Variants in GOLGA4 observed in about 807,000 individuals in gnomAD.
GOLGA4 encodes golgin A4.
A neutral mutation model predicts 265.9 loss-of-function variants in GOLGA4; 169 were observed. The observed-to-expected ratio is 0.64, with a 90% confidence interval of 0.56 to 0.72. GOLGA4 has a LOEUF of 0.72. GOLGA4 is among the 30% of genes least tolerant of loss of function. The probability of loss-of-function intolerance (pLI) is 0.00; values close to 1 mark genes in which losing one functional copy is unlikely to be tolerated. For missense variants in GOLGA4, 2,482 were observed against 2,483.4 expected, an observed-to-expected ratio of 1.00 and a Z score of 0.01; for synonymous variants, 923 against 855.8, an observed-to-expected ratio of 1.08 and a Z score of -1.37.
chr3:37,251,165 T>C (rs1373909172), intron 1 of GOLGA4, among the ~76,000 whole-genome samples: 1 of 152,230 alleles, frequency 6.6e-6, no homozygotes, highest in Non-Finnish European at 1.5e-5. Context: ...AAAAAGTTCA[T>C]GTAGCTAAGA....
rs749599579 is a variant in GOLGA4, at chr3:37,298,821, C to G, written c.815-12C>G. 1.6e-5 allele frequency: 26 copies of G among 1,590,156 alleles called. 1 individual carries two copies. In the South Asian group the frequency reaches 2.1e-4, roughly 13 times the overall value. Reference sequence around the variant, plus strand: ...TTACTGATGGGCCCTTCTTATGTTGCTTTATTGTTAGTGGAAGATGGAACT... The same window carrying G: ...TTACTGATGGGCCCTTCTTATGTTGGTTTATTGTTAGTGGAAGATGGAACT... On this transcript the variant is annotated splice_polypyrimidine_tract_variant and intron_variant, in intron 7 of 23. Coordinates refer to ENST00000361924, the MANE Select transcript of GOLGA4 (RefSeq NM_002078.5).
chr3:37,276,914 C>T (rs2096820928), intron 2 of GOLGA4, among the ~76,000 whole-genome samples: 6 of 152,026 alleles, frequency 3.9e-5, no homozygotes, highest in Admixed American at 3.9e-4. Context: ...TTTTCTTTTA[C>T]ACTGTGAAAC....
At chr3:37,364,541 C>A (rs1696597331) in intron 23 of GOLGA4, among the ~76,000 whole-genome samples, 1 of 151,686 alleles carries the variant, frequency 6.6e-6, no homozygotes, top group South Asian at 2.1e-4. Context: ...TGCTCCTGGC[C>A]AGCATTTTCA....
At chr3:37,275,569 AGGCCCG>A in intron 2 of GOLGA4, 1 of 1,087,946 alleles carries the variant, frequency 9.2e-7, no homozygotes, top group Non-Finnish European at 1.4e-6. Context: ...AAGGGGGCCT[AGGCCCG>A]GGCCTGCGGT....
chr3:37,300,163 G>A (rs1029581163), intron 9 of GOLGA4, among the ~76,000 whole-genome samples: 9 of 151,634 alleles, frequency 5.9e-5, no homozygotes, highest in African/African-American at 2.2e-4. Flanking sequence ...AGGAAGGAAT[G>A]AGTCTTACCT....
In GOLGA4 at chr3:37,243,321, G is replaced by C. The variant is rs1367330536; in HGVS notation, c.-230G>C. Reference sequence around the variant, plus strand: ...CCGCCGCGGCTCCCGGGGCTGGATGGGGGGCCGAGGCCAGCCAGTGGCACC... The same window carrying C: ...CCGCCGCGGCTCCCGGGGCTGGATGCGGGGCCGAGGCCAGCCAGTGGCACC... On this transcript the variant is annotated 5_prime_UTR_variant, in exon 1 of 24. Transcript: ENST00000361924. The C allele has an allele frequency of 3.5e-5, 20 of 567,024 alleles. No individual in the cohort carries two copies. Among genetic ancestry groups the C allele is most frequent in the East Asian group, 1.9e-4 (6 of 32,096 alleles). The allele number at this position is 567,024 out of a possible 1,614,324, so 35.1% of individuals were successfully genotyped here.
intron 10 of GOLGA4, among the ~76,000 whole-genome samples, chr3:37,311,725 T>G (rs1466056136): frequency 6.6e-6 from 1 of 152,204 alleles, no homozygotes; most frequent in Non-Finnish European, 1.5e-5. Context: ...AAAAGAACTG[T>G]GAAACCAAAT....
intron 11 of GOLGA4, among the ~76,000 whole-genome samples, chr3:37,317,140 T>A (rs907350855): frequency 6.6e-6 from 1 of 152,154 alleles, no homozygotes; most frequent in African/African-American, 2.4e-5. Context: ...TTGTTTTCAG[T>A]TTTTGCTATT....
intron 17 of GOLGA4, among the ~76,000 whole-genome samples, chr3:37,336,753 G>A (rs1336583577): frequency 1.3e-5 from 2 of 151,274 alleles, no homozygotes; most frequent in Non-Finnish European, 2.9e-5. Context: ...TGGGCAACAA[G>A]AAGAGCAAAA....
In GOLGA4 at chr3:37,343,580, T is replaced by TA. The variant is rs1221836472; in HGVS notation, c.6472+3382dup. Reference sequence around the variant, plus strand: ...CATACATTGCATTTGATTGATAAATTACTTAAGTCTCTTTTGAACTCCAGG... The same window carrying TA: ...CATACATTGCATTTGATTGATAAATTAACTTAAGTCTCTTTTGAACTCCAGG... On this transcript the variant is annotated intron_variant, in intron 20 of 23. Transcript: ENST00000361924. Among the ~76,000 whole-genome samples the TA allele has an allele frequency of 1.6e-4, 25 of 152,204 alleles. 1 individual carries two copies. Among genetic ancestry groups the TA allele is most frequent in the Non-Finnish European group, 4.4e-5 (3 of 68,034 alleles).
chr3:37,250,139 A>G (rs1560267251), intron 1 of GOLGA4: 2 of 152,234 alleles, frequency 1.3e-5, no homozygotes, highest in Non-Finnish European at 2.9e-5. Flanking sequence ...AACTTTTGTC[A>G]TATTTGTAGA....
In GOLGA4 at chr3:37,366,813, C is replaced by T. The variant is rs1189880891; in HGVS notation, c.*767C>T. 1 of 152,152 alleles carries T rather than the reference C, an allele frequency of 6.6e-6. No homozygotes were observed. The highest frequency in any genetic ancestry group is 1.9e-4 in the East Asian group (1 of 5,196). The allele number at this position is 152,152 out of a possible 1,614,324, so 9.4% of individuals were successfully genotyped here. A position where few individuals can be genotyped will look rare whatever the true frequency, so the allele number is the denominator to read the frequency against. On this transcript the variant is annotated 3_prime_UTR_variant, in exon 24 of 24. Coordinates refer to ENST00000361924, the MANE Select transcript of GOLGA4 (RefSeq NM_002078.5). Reference sequence around the variant, plus strand: ...TTTAAAATGTTTAAGAATGCATATTCTATTTGGATGAATTTAGTGAGGAAT... The same window carrying T: ...TTTAAAATGTTTAAGAATGCATATTTTATTTGGATGAATTTAGTGAGGAAT...
chr3:37,270,277 C>T (rs1427356732), intron 2 of GOLGA4, among the ~76,000 whole-genome samples: 4 of 144,816 alleles, frequency 2.8e-5, no homozygotes, highest in Admixed American at 7.2e-5. Flanking sequence ...ACCATCTTGG[C>T]GCACTGCAGC....
rs753890590 is a variant in GOLGA4 at position 37,337,650 on chromosome 3, C to T, written c.6328-16C>T. The T allele has an allele frequency of 3.8e-6, 6 of 1,581,862 alleles. No homozygotes were observed. The South Asian group carries it at 5.5e-5, about 15-fold the overall frequency. ...AAACCTATGTGCATTTCAGATCTGA[C>T]TTTTTGTTCTTTCAGACACAGCTAG... On this transcript the variant is annotated splice_polypyrimidine_tract_variant and intron_variant, in intron 18 of 23. Coordinates refer to ENST00000361924, the MANE Select transcript of GOLGA4 (RefSeq NM_002078.5).
chr3:37,280,346 C>T (rs1453930180), intron 2 of GOLGA4, among the ~76,000 whole-genome samples: 2 of 152,166 alleles, frequency 1.3e-5, no homozygotes, highest in Non-Finnish European at 2.9e-5. Flanking sequence ...GACACCTTTG[C>T]TTTCTGACGG....
Position 37,324,427 on chromosome 3 carries a change from A to G in GOLGA4, c.2541A>G (p.Ala847=). The stretch of plus-strand genomic sequence containing the variant: ...CCAAACAGGTTGCTGAAGTTGAAGC[A>G]CAAAAGAAAGATGTTTGTACTGAGT... ...LLTKQVAEVE[A]QKKDVCTELD... The change falls in exon 14 of 24, where the codon GCA becomes GCG. Residue 847 remains alanine (A), a synonymous_variant. Transcript: ENST00000361924. The G allele has an allele frequency of 6.2e-7, 1 of 1,614,242 alleles. No individual in the cohort carries two copies. The highest frequency in any genetic ancestry group is 8.5e-7 in the Non-Finnish European group (1 of 1,180,040).
intron 2 of GOLGA4, among the ~76,000 whole-genome samples, chr3:37,252,996 C>T (rs1343214872): frequency 6.6e-6 from 1 of 152,030 alleles, no homozygotes; most frequent in Admixed American, 6.6e-5. Flanking sequence ...TGCCTGTAAT[C>T]CCAGCGCTTT....
rs1559478399 is a variant in GOLGA4 at position 37,361,317 on chromosome 3, ACAAT to A, written c.*33+13_*33+16del. 6.3e-7 allele frequency: 1 copy of A among 1,594,608 alleles called. No homozygotes were observed. The highest frequency in any genetic ancestry group is 1.7e-5 in the Admixed American group (1 of 59,926). On this transcript the variant is annotated intron_variant, in intron 23 of 23. Transcript: ENST00000361924. ...TTAGTTAACATGTGGTGAGTGAAGA[ACAAT>A]GTCTTGTGTCTTTTGTGCAAAAATC... is the stretch of plus-strand genomic sequence containing the variant.
chr3:37,273,335 G>A (rs867812089), intron 2 of GOLGA4, among the ~76,000 whole-genome samples: 95 of 152,242 alleles, frequency 6.2e-4, no homozygotes, highest in Middle Eastern at 3.4e-3. Context: ...GTGTATTACA[G>A]CAAAATGAAT....
Sources: allele counts gnomAD v4.1 joint callset (sites outside exome capture counted in the v4.1 genomes callset), GRCh38; gene constraint gnomAD v4.1.1; transcripts MANE v1.5; gene names NCBI Gene and HGNC (gene_info 2026-07-23, HGNC 2026-07-21).